Variants in RASAL1 observed in about 807,000 individuals in gnomAD.
RASAL1 encodes RAS protein activator like 1.
RASAL1 carries 72 observed loss-of-function variants against 96.6 expected under a neutral mutation model. The ratio of observed to expected loss-of-function variants is 0.75; its 90% CI spans 0.62 to 0.91. The LOEUF (loss-of-function observed/expected upper bound fraction) is 0.91, where lower values mean the gene tolerates loss of function less well. Ranked by LOEUF, RASAL1 falls within the 40% of genes least tolerant of loss-of-function variation. The probability of loss-of-function intolerance (pLI) is 0.00; values close to 1 mark genes in which losing one functional copy is unlikely to be tolerated. For missense variants in RASAL1, 1,016 were observed against 1,072.5 expected, an observed-to-expected ratio of 0.95 and a Z score of 0.74; for synonymous variants, 405 against 430.4, an observed-to-expected ratio of 0.94 and a Z score of 0.73.
intron 16 of RASAL1, among the ~76,000 whole-genome samples, chr12:113,104,980 G>A (rs1443862572): frequency 6.6e-6 from 1 of 152,258 alleles, no homozygotes; most frequent in Non-Finnish European, 1.5e-5. Context: ...GAAAACTGAG[G>A]TGCAAGAGGA....
chr12:113,101,988 T>C lies in RASAL1; in HGVS notation c.2126A>G (p.His709Arg). ...ERSAAGCSRT[H>R]SAVTLGDWSD... ...CCAGTCCCCCAGGGTGACAGCTGAG[T>C]GTGTACGGCTGCAGCCGGCGGCTGA... The change falls in exon 19 of 21, where the codon CAC becomes CGC. Residue 709 changes from histidine to arginine, a missense_variant. Coordinates refer to ENST00000548055, the MANE Select transcript of RASAL1 (RefSeq NM_001301202.2). The C allele has an allele frequency of 6.2e-7, 1 of 1,613,912 alleles. No individual in the cohort carries two copies. The highest frequency in any genetic ancestry group is 2.2e-5 in the East Asian group (1 of 44,864).
rs1203426707 is a variant in RASAL1, at chr12:113,104,088, C to T, written c.1969-7G>A. ...GGTTGAGCTCATTCACATTCTGCAG[C>T]GGGTGGGAGGCGATCAGGGGGCGGG... On this transcript the variant is annotated splice_region_variant and splice_polypyrimidine_tract_variant and intron_variant, in intron 17 of 20. Coordinates refer to ENST00000548055, the MANE Select transcript of RASAL1 (RefSeq NM_001301202.2). 2.3e-6 allele frequency: 2 copies of T among 870,834 alleles called. No homozygotes were observed. Among genetic ancestry groups the T allele is most frequent in the African/African-American group, 1.8e-5 (1 of 54,196 alleles). The allele number at this position is 870,834 out of a possible 1,614,324, so 53.9% of individuals were successfully genotyped here. A position where few individuals can be genotyped will look rare whatever the true frequency, so the allele number is the denominator to read the frequency against.
chr12:113,107,109 C>T lies in RASAL1; in HGVS notation c.1645G>A (p.Asp549Asn). The T allele has an allele frequency of 6.2e-7, 1 of 1,612,526 alleles. No homozygotes were observed. The highest frequency in any genetic ancestry group is 1.1e-5 in the South Asian group (1 of 90,770). Residue 549 changes from aspartate to asparagine, a missense_variant, in exon 15 of 21, where the codon GAT (aspartate) becomes AAT (asparagine). Asp to Asn is a conservative substitution (Grantham distance 23). Transcript: ENST00000548055. The part of the protein sequence containing the change: ...RDFLDRLVDV[D>N]GDEEAGVPAR... ...CACAGGAACTCACCTTCATCCCCAT[C>T]CACATCCACCAGCCGGTCCAGGAAG...
At chr12:113,131,936 C>G (rs980179787) in intron 1 of RASAL1, among the ~76,000 whole-genome samples, 1 of 151,634 alleles carries the variant, frequency 6.6e-6, no homozygotes, top group African/African-American at 2.4e-5. Context: ...TGACCTCCAC[C>G]TAAAATCATC....
chr12:113,104,073 A>G lies in RASAL1; in HGVS notation c.1977T>C (p.Asn659=), dbSNP rs1950557625. ...HTTYLQCKNV[N]ELNQWLSALR... The stretch of plus-strand genomic sequence containing the variant: ...AGGCCGAGAGCCACTGGTTGAGCTC[A>G]TTCACATTCTGCAGCGGGTGGGAGG... Residue 659 remains asparagine (N), a synonymous_variant, in exon 18 of 21, where the codon AAT becomes AAC. Coordinates refer to ENST00000548055, the MANE Select transcript of RASAL1 (RefSeq NM_001301202.2). The G allele has an allele frequency of 6.7e-7, 1 of 1,482,264 alleles. No individual in the cohort carries two copies. 91.8% of individuals were successfully genotyped at this position (1,482,264 alleles called of 1,614,324 possible).
At chr12:113,135,906 G>A (rs1406575030), upstream of RASAL1, among the ~76,000 whole-genome samples, 1 of 152,196 alleles carries the variant, frequency 6.6e-6, no homozygotes, top group Non-Finnish European at 1.5e-5. This position sits in a 1 kb window ranked among gnomAD's most constrained non-coding sequence, Gnocchi z 5.7. Flanking sequence ...CGGAGACAAG[G>A]GTGCACCGCC....
chr12:113,101,847 G>T (rs1328576083), intron 19 of RASAL1, 42 bp downstream of exon 19: 1 of 1,595,368 alleles, frequency 6.3e-7, no homozygotes, highest in South Asian at 1.1e-5. Context: ...GGCTGGCCTG[G>T]CTGGTCATAG....
At position 113,129,946 on chromosome 12, in the gene RASAL1, G is replaced by A. The variant is rs1951638684; in HGVS notation, c.122+939C>T. ...ACAGAAAATCAATCTGTGGGTTTGG[G>A]GTGGTGTCAGGGAATGTATCAAGGG... On this transcript the variant is annotated intron_variant, in intron 2 of 20. Transcript: ENST00000548055. The surrounding 1 kb of genome is among the most constrained non-coding windows in gnomAD (Gnocchi z 5.0). Among the ~76,000 whole-genome samples, 2 of 152,180 alleles carry A rather than the reference G, an allele frequency of 1.3e-5. No individual in the cohort carries two copies.
In RASAL1 at chr12:113,119,387, C is replaced by A; in HGVS notation, c.485G>T (p.Trp162Leu). ...GTSDPFARVFWGSQSLETSTI... is the reference protein window; with the variant it reads ...GTSDPFARVFLGSQSLETSTI... ...TGAGGTCTCCAAGCTCTGGCTGCCC[C>A]AAAACACACGTGCAAATGGGTCAGA... The change falls in exon 6 of 21, where the codon TGG (tryptophan) becomes TTG (leucine). Residue 162 changes from tryptophan to leucine, a missense_variant. Physicochemically the swap from Trp to Leu is moderately conservative, Grantham distance 61 (BLOSUM62 -2). Transcript: ENST00000548055. 1 of 1,612,178 alleles carries A rather than the reference C, an allele frequency of 6.2e-7. No individual in the cohort carries two copies. The highest frequency in any genetic ancestry group is 8.5e-7 in the Non-Finnish European group (1 of 1,179,094).
chr12:113,109,926 A>G (rs1950807325), intron 13 of RASAL1, among the ~76,000 whole-genome samples: 1 of 152,194 alleles, frequency 6.6e-6, no homozygotes, highest in Admixed American at 6.5e-5. Context: ...AGTGCAGCAG[A>G]GAAAGGGGCT....
chr12:113,136,278 G>C (rs947976983), upstream of RASAL1: 3 of 152,270 alleles, frequency 2.0e-5, no homozygotes, highest in African/African-American at 7.2e-5. Context: ...GGCTGGCACT[G>C]CGGGGGAGGA....
chr12:113,130,941 C>T lies in RASAL1; in HGVS notation c.66G>A (p.Val22=), dbSNP rs754155534. The T allele has an allele frequency of 1.2e-6, 2 of 1,613,162 alleles. No homozygotes were observed. Among genetic ancestry groups the T allele is most frequent in the Non-Finnish European group, 1.7e-6 (2 of 1,179,602 alleles). ...VEGRALPAKD[V]SGSSDPYCLV... ...GGCAGTAGGGGTCGCTGCTCCCAGA[C>T]CTGCAGAAGGAGGGAGTTCAGGGAG... Residue 22 remains valine, a splice_region_variant and synonymous_variant, in exon 2 of 21, where the codon GTG becomes GTA. Coordinates refer to ENST00000548055, the MANE Select transcript of RASAL1 (RefSeq NM_001301202.2). This position sits in a 1 kb window ranked among gnomAD's most constrained non-coding sequence, Gnocchi z 5.1.
intron 15 of RASAL1, 76 bp downstream of exon 15, chr12:113,107,021 G>A (rs1471260294): frequency 1.4e-6 from 2 of 1,447,530 alleles, no homozygotes; most frequent in Admixed American, 2.1e-5. Flanking sequence ...AGGAGCTGGA[G>A]GGGGAAAGGG....
chr12:113,127,791 CT>C lies in RASAL1; in HGVS notation c.298+20del. 2 of 1,600,542 alleles carry C rather than the reference CT, an allele frequency of 1.2e-6. No individual in the cohort carries two copies. The highest frequency in any genetic ancestry group is 1.7e-6 in the Non-Finnish European group (2 of 1,169,486). ...CCCTGGGCATGGCCCCCTCCTCCCT[CT>C]GCCCATGTCCCTCGCCCACCTCGGG... On this transcript the variant is annotated intron_variant, in intron 4 of 20. Coordinates refer to ENST00000548055, the MANE Select transcript of RASAL1 (RefSeq NM_001301202.2).
intron 1 of RASAL1, among the ~76,000 whole-genome samples, chr12:113,134,737 G>A (rs1763787866): frequency 6.6e-6 from 1 of 152,174 alleles, no homozygotes; most frequent in Non-Finnish European, 1.5e-5. Flanking sequence ...AGTGAAGGGA[G>A]CCGTAGGGTC....
intron 13 of RASAL1, 74 bp downstream of exon 13, chr12:113,112,012 C>T: frequency 8.4e-7 from 1 of 1,195,054 alleles, no homozygotes; most frequent in African/African-American, 1.6e-5. Flanking sequence ...GGTCACAGTT[C>T]TGTCCTGACT....
intron 1 of RASAL1, among the ~76,000 whole-genome samples, chr12:113,131,511 T>G (rs1951709006): frequency 6.6e-6 from 1 of 152,130 alleles, no homozygotes; most frequent in African/African-American, 2.4e-5. Context: ...GGACTCCCCA[T>G]TCCTCAGCCC....
intron 2 of RASAL1, 101 bp from the exon 3 acceptor site, chr12:113,128,279 C>G (rs1951571121): frequency 2.9e-6 from 2 of 680,062 alleles, no homozygotes; most frequent in Non-Finnish European, 5.1e-6. Context: ...CACACACACA[C>G]ACGGGAATCC....
chr12:113,117,232 C>T (rs568912313), intron 7 of RASAL1, 71 bp from the exon 8 acceptor site: 2 of 1,196,314 alleles, frequency 1.7e-6, no homozygotes, highest in South Asian at 3.1e-5. Flanking sequence ...CAGGTCTCAC[C>T]TAGCCCTGGA....
Sources: allele counts gnomAD v4.1 joint callset (sites outside exome capture counted in the v4.1 genomes callset), GRCh38; gene constraint gnomAD v4.1.1; non-coding constraint Gnocchi (gnomAD v3.1); transcripts MANE v1.5; gene names NCBI Gene and HGNC (gene_info 2026-07-23, HGNC 2026-07-21).